Variants in SLC35F1 observed in about 807,000 individuals in gnomAD.
SLC35F1 encodes the protein solute carrier family 35 member F1, also known as chromosome 6 open reading frame 169.
SLC35F1 carries 14 observed loss-of-function variants against 48.7 expected under a neutral mutation model. The ratio of observed to expected loss-of-function variants is 0.29; its 90% CI spans 0.19 to 0.45. The LOEUF (loss-of-function observed/expected upper bound fraction) is 0.45. SLC35F1 is among the 20% of genes least tolerant of loss of function. The probability of loss-of-function intolerance (pLI) is 1.00; values close to 1 mark genes in which losing one functional copy is unlikely to be tolerated. For synonymous variants in SLC35F1, 190 were observed against 202.2 expected (o/e 0.94, Z 0.51); for missense variants, 404 against 500.0 (o/e 0.81, Z 1.83).
chr6:118,049,425 G>A (rs1254920751), intron 1 of SLC35F1, among the ~76,000 whole-genome samples: 1 of 152,042 alleles, frequency 6.6e-6, no homozygotes, highest in Non-Finnish European at 1.5e-5. Flanking sequence ...GAGTGAACAG[G>A]CAACCCACAA....
chr6:117,962,800 G>A (rs1038582012), intron 1 of SLC35F1, among the ~76,000 whole-genome samples: 3 of 152,140 alleles, frequency 2.0e-5, no homozygotes, highest in South Asian at 2.1e-4. Flanking sequence ...CATAAGACTC[G>A]ATCAGCTAGG....
At chr6:118,262,549 AC>A (rs1261406492) in intron 3 of SLC35F1, among the ~76,000 whole-genome samples, 1 of 152,144 alleles carries the variant, frequency 6.6e-6, no homozygotes, top group Non-Finnish European at 1.5e-5. Context: ...TATTTAAATA[AC>A]TTTTGGAAGC....
chr6:118,269,088 T>C (rs1212222692), intron 4 of SLC35F1, among the ~76,000 whole-genome samples: 1 of 152,246 alleles, frequency 6.6e-6, no homozygotes, highest in Non-Finnish European at 1.5e-5. Context: ...GCCTAGAATG[T>C]TAAGCTAATT....
At chr6:117,976,774 C>G (rs1043409684) in intron 1 of SLC35F1, among the ~76,000 whole-genome samples, 6 of 152,030 alleles carry the variant, frequency 3.9e-5, no homozygotes, top group African/African-American at 1.4e-4. Flanking sequence ...AAAACACAGG[C>G]AAAGTATTTA....
At chr6:118,242,869 G>A (rs1369152414) in intron 3 of SLC35F1, among the ~76,000 whole-genome samples, 1 of 152,160 alleles carries the variant, frequency 6.6e-6, no homozygotes, top group East Asian at 1.9e-4. Flanking sequence ...TGCTAACCAT[G>A]CTGAGGGGTC....
chr6:117,983,884 T>C (rs1187392353), intron 1 of SLC35F1, among the ~76,000 whole-genome samples: 1 of 152,140 alleles, frequency 6.6e-6, no homozygotes, highest in Non-Finnish European at 1.5e-5. Context: ...CTCGTGTGTC[T>C]AGGCCACTGT....
At chr6:118,284,123 C>G (rs1311199722) in intron 6 of SLC35F1, among the ~76,000 whole-genome samples, 1 of 152,178 alleles carries the variant, frequency 6.6e-6, no homozygotes, top group Non-Finnish European at 1.5e-5. Context: ...TTGGATGAAT[C>G]CCTGGTCTTC....
At chr6:118,259,686 C>A (rs1207647581) in intron 3 of SLC35F1, among the ~76,000 whole-genome samples, 2 of 125,568 alleles carry the variant, frequency 1.6e-5, no homozygotes, top group Non-Finnish European at 3.4e-5. Flanking sequence ...ACTCCACACC[C>A]AGCAGGATAG....
chr6:118,253,690 G>A (rs1422478693), intron 3 of SLC35F1, among the ~76,000 whole-genome samples: 2 of 152,066 alleles, frequency 1.3e-5, no homozygotes, highest in African/African-American at 4.8e-5. Flanking sequence ...TAAATCAAGA[G>A]AGGGAAAATT....
chr6:118,134,865 T>C (rs1773770380), intron 1 of SLC35F1, among the ~76,000 whole-genome samples: 1 of 152,176 alleles, frequency 6.6e-6, no homozygotes, highest in Non-Finnish European at 1.5e-5. Flanking sequence ...GCCTGCTGCC[T>C]CCTCCTCCCC....
At chr6:118,027,957 T>G (rs1267005159) in intron 1 of SLC35F1, among the ~76,000 whole-genome samples, 9 of 152,098 alleles carry the variant, frequency 5.9e-5, no homozygotes, top group Non-Finnish European at 1.3e-4. Context: ...ACAAATATTT[T>G]CTCCTTTTTC....
chr6:118,209,249 C>T (rs1185326738), intron 2 of SLC35F1, among the ~76,000 whole-genome samples: 1 of 152,190 alleles, frequency 6.6e-6, no homozygotes, highest in Admixed American at 6.5e-5. Flanking sequence ...GGCTCCCATG[C>T]CACATAAAAC....
intron 1 of SLC35F1, among the ~76,000 whole-genome samples, chr6:117,989,228 A>T (rs986219181): frequency 3.3e-5 from 5 of 152,226 alleles, no homozygotes; most frequent in Non-Finnish European, 5.9e-5. Context: ...TTTCCAGACA[A>T]AACAGTTTCA....
chr6:118,205,575 G>A (rs536518093), intron 2 of SLC35F1, among the ~76,000 whole-genome samples: 9 of 152,298 alleles, frequency 5.9e-5, no homozygotes, highest in African/African-American at 1.9e-4. Flanking sequence ...TTGGTGCCAT[G>A]CTATGGAAAA....
At chr6:117,949,042 A>G (rs1381810619) in intron 1 of SLC35F1, among the ~76,000 whole-genome samples, 2 of 152,170 alleles carry the variant, frequency 1.3e-5, no homozygotes, top group East Asian at 3.9e-4. Context: ...GCGGGGTGCT[A>G]TTCATAATGC....
intron 1 of SLC35F1, among the ~76,000 whole-genome samples, chr6:117,923,693 A>ATATATG (rs1775955781): frequency 4.6e-5 from 3 of 64,996 alleles, no homozygotes; most frequent in Non-Finnish European, 1.1e-4. Flanking sequence ...ATACATATGT[A>ATATATG]CATATACATA....
intron 1 of SLC35F1, among the ~76,000 whole-genome samples, chr6:117,959,688 T>G (rs1465923995): frequency 1.3e-5 from 2 of 152,190 alleles, no homozygotes; most frequent in East Asian, 3.8e-4. Context: ...CAATGGCATT[T>G]GAAATTCCTC....
At chr6:118,093,572 C>T (rs553748977) in intron 1 of SLC35F1, among the ~76,000 whole-genome samples, 13 of 152,326 alleles carry the variant, frequency 8.5e-5, no homozygotes, top group East Asian at 5.8e-4. Context: ...CTCTTGCCTC[C>T]GCCATGTAAG....
chr6:117,985,610 A>G (rs1419905504), intron 1 of SLC35F1, among the ~76,000 whole-genome samples: 6 of 1,800 alleles, frequency 3.3e-3, no homozygotes, highest in Non-Finnish European at 0.014. Flanking sequence ...GTTGAGTGGC[A>G]TAACTATCTA....
Sources: allele counts gnomAD v4.1 joint callset (sites outside exome capture counted in the v4.1 genomes callset), GRCh38; gene constraint gnomAD v4.1.1; transcripts MANE v1.5; gene names NCBI Gene and HGNC (gene_info 2026-07-23, HGNC 2026-07-21).